SNX1: variants seen among roughly 807,000 people sequenced by gnomAD.
SNX1 encodes the protein sorting nexin 1.
SNX1 carries 36 observed loss-of-function variants against 71.8 expected under a neutral mutation model. That is an observed-to-expected ratio of 0.50 (90% CI 0.38 to 0.66). The LOEUF is 0.66. Ranked by LOEUF, SNX1 falls within the 30% of genes least tolerant of loss-of-function variation. SNX1 has a pLI of 0.00. For missense variants in SNX1, 612 were observed against 646.7 expected, an observed-to-expected ratio of 0.95 and a Z score of 0.58; for synonymous variants, 254 against 240.7, an observed-to-expected ratio of 1.06 and a Z score of -0.51.
intron 2 of SNX1, among the ~76,000 whole-genome samples, chr15:64,117,511 G>C (rs2081142418): frequency 6.6e-6 from 1 of 152,120 alleles, no homozygotes; most frequent in South Asian, 2.1e-4. Context: ...TCCCACCTTG[G>C]CCTCCCAAAG....
At chr15:64,125,945 G>A in intron 5 of SNX1, 134 bp from the exon 6 acceptor site, 1 of 915,648 alleles carries the variant, frequency 1.1e-6, no homozygotes, top group Non-Finnish European at 1.7e-6. Context: ...TCTCTGCCTT[G>A]GAGAAAGTTA....
intron 5 of SNX1, among the ~76,000 whole-genome samples, chr15:64,124,527 A>G (rs1019559408): frequency 6.7e-6 from 1 of 150,298 alleles, no homozygotes. Context: ...AAAAAAAAAT[A>G]GTATCATGCT....
chr15:64,127,804 G>A lies in SNX1; in HGVS notation c.805G>A (p.Glu269Lys). The A allele has an allele frequency of 6.2e-7, 1 of 1,612,530 alleles. No individual in the cohort carries two copies. The highest frequency in any genetic ancestry group is 2.2e-5 in the East Asian group (1 of 44,874). ...PDVREFLEKE[E>K]LPRAVGTQTL... ...CGTCAGAGAGTTCTTGGAAAAAGAA[G>A]AGGTTAGTATTCAGTGCAAACTGAA... The change falls in exon 8 of 15, where the codon GAG becomes AAG. Residue 269 changes from glutamate to lysine, a missense_variant and splice_region_variant. By Grantham distance (56) the Glu-to-Lys change is moderately conservative (BLOSUM62 1). Coordinates refer to ENST00000559844, the MANE Select transcript of SNX1 (RefSeq NM_003099.5).
Position 64,118,842 on chromosome 15 carries a change from C to T in SNX1, c.454C>T (p.Pro152Ser). The T allele has an allele frequency of 6.2e-7, 1 of 1,612,296 alleles. No individual in the cohort carries two copies. The change falls in exon 4 of 15, where the codon CCT (proline) becomes TCT (serine). Residue 152 changes from proline (P) to serine (S), a missense_variant. Physicochemically the swap from Pro to Ser is moderately conservative, Grantham distance 74 (BLOSUM62 -1). Coordinates refer to ENST00000559844, the MANE Select transcript of SNX1 (RefSeq NM_003099.5). ...QFDLTVGITD[P>S]EKIGDGMNAY... The stretch of plus-strand genomic sequence containing the variant: ...TGATTTGACAGTCGGTATAACTGAT[C>T]CTGAGAAGATAGGTAAGTGGTTCTT...
At chr15:64,098,058 A>G (rs1310919732) in intron 1 of SNX1, among the ~76,000 whole-genome samples, 1 of 152,250 alleles carries the variant, frequency 6.6e-6, no homozygotes, top group East Asian at 1.9e-4. Flanking sequence ...TTTTAGAGAC[A>G]TAGTCTCCCT....
In SNX1 at chr15:64,134,987, CT is replaced by C. The variant is rs1567333216; in HGVS notation, c.1365+181del. On this transcript the variant is annotated intron_variant, in intron 12 of 14. Transcript: ENST00000559844. The surrounding 1 kb of genome is among the most constrained non-coding windows in gnomAD (Gnocchi z 4.1). Reference sequence around the variant, plus strand: ...CAGGCCTTCCTGAGGCCTAGTCCCCCTGTTCTTTTTCTACTCTACGCAGACT... The same window carrying C: ...CAGGCCTTCCTGAGGCCTAGTCCCCCGTTCTTTTTCTACTCTACGCAGACT... 1.4e-6 allele frequency: 1 copy of C among 719,346 alleles called. No homozygotes were observed. The highest frequency in any genetic ancestry group is 2.2e-6 in the Non-Finnish European group (1 of 450,978). The allele number at this position is 719,346 out of a possible 1,614,324, so 44.6% of individuals were successfully genotyped here. A position where few individuals can be genotyped will look rare whatever the true frequency, so the allele number is the denominator to read the frequency against.
At position 64,139,729 on chromosome 15, in the gene SNX1, C is replaced by G. The variant is rs1165636075; in HGVS notation, c.*2111C>G. 1 of 151,646 alleles carries G rather than the reference C, an allele frequency of 6.6e-6. No homozygotes were observed. The highest frequency in any genetic ancestry group is 2.4e-5 in the African/African-American group (1 of 41,202). The allele number at this position is 151,646 out of a possible 1,614,324, so 9.4% of individuals were successfully genotyped here. A position where few individuals can be genotyped will look rare whatever the true frequency, so the allele number is the denominator to read the frequency against. ...TCATATTTAAATTTTGCCATTTATCCCAATAATGTCCTTTGTAGCCATTCT... is the reference window on the plus strand; with the variant it reads ...TCATATTTAAATTTTGCCATTTATCGCAATAATGTCCTTTGTAGCCATTCT... On this transcript the variant is annotated 3_prime_UTR_variant, in exon 15 of 15. Coordinates refer to ENST00000559844, the MANE Select transcript of SNX1 (RefSeq NM_003099.5).
At chr15:64,128,470 C>T (rs2081275521) in intron 8 of SNX1, among the ~76,000 whole-genome samples, 1 of 152,152 alleles carries the variant, frequency 6.6e-6, no homozygotes, top group Non-Finnish European at 1.5e-5. Flanking sequence ...TGTTTTATCT[C>T]ACAGGAAAGC....
intron 1 of SNX1, among the ~76,000 whole-genome samples, chr15:64,108,987 CA>C (rs57979534): frequency 0.23 from 23,358 of 100,962 alleles, 3,528 homozygotes; most frequent in African/African-American, 0.49. Context: ...GATTCCATCT[CA>C]AAAAAAAAAA....
intron 5 of SNX1, among the ~76,000 whole-genome samples, chr15:64,125,273 G>A (rs561512070): frequency 1.3e-5 from 2 of 152,056 alleles, no homozygotes; most frequent in South Asian, 4.2e-4. Flanking sequence ...GAGCAGCCCG[G>A]CCAACATGGT....
chr15:64,142,521 T>G lies in SNX1; in HGVS notation c.*4903T>G. On this transcript the variant is annotated 3_prime_UTR_variant, in exon 15 of 15. Transcript: ENST00000559844. ...GGGTCCAGAGCACAGGAAGGGGACC[T>G]GTGTTCAGAGGGTGCCTCACTGCTG... The G allele has an allele frequency of 2.5e-6, 1 of 406,360 alleles. No homozygotes were observed. The highest frequency in any genetic ancestry group is 2.1e-5 in the African/African-American group (1 of 48,482). 25.2% of individuals were successfully genotyped at this position (406,360 alleles called of 1,614,324 possible). A position where few individuals can be genotyped will look rare whatever the true frequency, so the allele number is the denominator to read the frequency against.
At chr15:64,123,906 C>G (rs546943487) in intron 5 of SNX1, among the ~76,000 whole-genome samples, 2 of 152,144 alleles carry the variant, frequency 1.3e-5, no homozygotes, top group East Asian at 3.9e-4. Context: ...TTTTTAAATA[C>G]TTAACCTTTT....
intron 2 of SNX1, among the ~76,000 whole-genome samples, chr15:64,117,059 A>G (rs2081136803): frequency 6.6e-6 from 1 of 152,228 alleles, no homozygotes; most frequent in South Asian, 2.1e-4. Context: ...TTAAACCATG[A>G]CAAAATAACA....
At chr15:64,125,132 G>A (rs1476027119) in intron 5 of SNX1, among the ~76,000 whole-genome samples, 1 of 152,118 alleles carries the variant, frequency 6.6e-6, no homozygotes, top group Non-Finnish European at 1.5e-5. Context: ...TCTGTCTTTA[G>A]TTTGGCTGCT....
intron 12 of SNX1, chr15:64,135,046 G>T (rs1051615730): frequency 3.5e-5 from 18 of 509,260 alleles, no homozygotes; most frequent in Non-Finnish European, 5.5e-5. Context: ...CGGCATGGTG[G>T]CTCGCGCCTG....
chr15:64,138,555 T>C lies in SNX1; in HGVS notation c.*937T>C, dbSNP rs750539207. ...TTTGTCTCCATAGACATGAAAGCCA[T>C]GCCCTCTGCCTCTAGATAGGGTGAT... On this transcript the variant is annotated 3_prime_UTR_variant, in exon 15 of 15. Transcript: ENST00000559844. The C allele has an allele frequency of 1.7e-5, 3 of 175,022 alleles. No homozygotes were observed. The highest frequency in any genetic ancestry group is 1.6e-4 in the East Asian group (1 of 6,346). 10.8% of individuals were successfully genotyped at this position (175,022 alleles called of 1,614,324 possible). A position where few individuals can be genotyped will look rare whatever the true frequency, so the allele number is the denominator to read the frequency against.
chr15:64,096,101 G>A lies in SNX1; in HGVS notation c.88G>A (p.Gly30Arg), dbSNP rs780484362. ...GLEPESEGAA[G>R]GSEPEAGDSD... Reference sequence around the variant, plus strand: ...GGAGCCGGAGTCCGAGGGGGCGGCCGGGGGATCAGAACCCGAGGCTGGGGA... The same window carrying A: ...GGAGCCGGAGTCCGAGGGGGCGGCCAGGGGATCAGAACCCGAGGCTGGGGA... Residue 30 changes from glycine to arginine, a missense_variant, in exon 1 of 15, where the codon GGG (glycine) becomes AGG (arginine). By Grantham distance (125) the Gly-to-Arg change is moderately radical. Around this residue, in one of 2 missense-constraint regions of SNX1, gnomAD observed 316 missense variants for 284.9 expected, o/e 1.11. Transcript: ENST00000559844. 1.3e-6 allele frequency: 2 copies of A among 1,564,812 alleles called. No individual in the cohort carries two copies. The highest frequency in any genetic ancestry group is 1.7e-6 in the Non-Finnish European group (2 of 1,156,982).
At chr15:64,104,601 T>C (rs1324895372) in intron 1 of SNX1, among the ~76,000 whole-genome samples, 2 of 151,402 alleles carry the variant, frequency 1.3e-5, no homozygotes, top group African/African-American at 2.4e-5. Context: ...AGATGGCTAA[T>C]AGGCCGGGCA....
At chr15:64,112,034 T>A (rs1253532858) in intron 1 of SNX1, among the ~76,000 whole-genome samples, 4 of 152,216 alleles carry the variant, frequency 2.6e-5, no homozygotes, top group Non-Finnish European at 5.9e-5. Flanking sequence ...TTTGTGTGAG[T>A]TAAGGATGAA....
Sources: gnomAD v4.1 joint callset for allele counts (sites outside exome capture counted in the v4.1 genomes callset) on GRCh38, gnomAD v4.1.1 for gene constraint, gnomAD v4.1.1 regional missense constraint, Gnocchi (gnomAD v3.1) non-coding constraint, MANE v1.5 for transcripts, NCBI Gene and HGNC (gene_info 2026-07-23, HGNC 2026-07-21) for gene names.